Variants in RAPGEF1 observed in about 807,000 individuals in gnomAD.
The protein encoded by RAPGEF1 is Rap guanine nucleotide exchange factor 1.
In RAPGEF1, 33 loss-of-function variants were observed where a neutral mutation model predicts 143.3. The ratio of observed to expected loss-of-function variants is 0.23; its 90% CI spans 0.17 to 0.31. The LOEUF (loss-of-function observed/expected upper bound fraction) is 0.31. Ranked by LOEUF, RAPGEF1 falls within the 10% of genes least tolerant of loss-of-function variation. The probability of loss-of-function intolerance (pLI) is 1.00; values close to 1 mark genes in which losing one functional copy is unlikely to be tolerated. For synonymous variants in RAPGEF1, 629 were observed against 676.5 expected (o/e 0.93, Z 1.09); for missense variants, 1,199 against 1,645.4 (o/e 0.73, Z 4.69).
rs1006505424 is a variant in RAPGEF1 at position 131,739,789 on chromosome 9, G to A, written c.42C>T (p.Ser14=). Residue 14 remains serine, a synonymous_variant, in exon 1 of 27, where the codon TCC becomes TCT. Coordinates refer to ENST00000683357, the MANE Select transcript of RAPGEF1 (RefSeq NM_001377935.1). ...GLGLRRSPEM[S]GKIEKADSQR... ...CCTCACCTGCTTTCTCGATCTTGCC[G>A]GACATTTCCGGGCTGCGCCGGAGGC... is the stretch of plus-strand genomic sequence containing the variant. 8 of 1,171,544 alleles carry A rather than the reference G, an allele frequency of 6.8e-6. No homozygotes were observed. Among genetic ancestry groups the A allele is most frequent in the African/African-American group, 5.0e-5 (3 of 60,494 alleles). The allele number at this position is 1,171,544 out of a possible 1,614,324, so 72.6% of individuals were successfully genotyped here.
At chr9:131,604,886 G>T (rs200973525) in intron 13 of RAPGEF1, 45 bp downstream of exon 13, 3 of 169,434 alleles carry the variant, frequency 1.8e-5, no homozygotes, top group Non-Finnish European at 2.8e-5. Flanking sequence ...ATGTGCAGGG[G>T]TGTGTGTGTG....
chr9:131,586,525 AACACAC>A (rs57523580), intron 22 of RAPGEF1, among the ~76,000 whole-genome samples: 1 of 5,902 alleles, frequency 1.7e-4, no homozygotes, highest in African/African-American at 1.4e-3. Context: ...GACTCCGTCA[AACACAC>A]ACACACACAC....
intron 3 of RAPGEF1, among the ~76,000 whole-genome samples, chr9:131,646,536 T>C (rs529244368): frequency 1.3e-5 from 2 of 152,300 alleles, no homozygotes; most frequent in East Asian, 3.9e-4. Flanking sequence ...CCACAGGAGA[T>C]GGCGGGGAAG....
chr9:131,663,459 T>C (rs1316030569), intron 1 of RAPGEF1, among the ~76,000 whole-genome samples: 2 of 151,904 alleles, frequency 1.3e-5, no homozygotes, highest in Non-Finnish European at 2.9e-5. Context: ...ATAGCTTTTT[T>C]TTTTTTTTTT....
intron 20 of RAPGEF1, 114 bp from the exon 21 acceptor site, chr9:131,588,140 C>T (rs1249227467): frequency 1.2e-5 from 11 of 911,754 alleles, no homozygotes; most frequent in South Asian, 1.0e-4. Context: ...CCAGCAGGAG[C>T]GTGGAGGCTA....
At chr9:131,593,026 AGCCACCGT>A (rs1435842765) in intron 17 of RAPGEF1, among the ~76,000 whole-genome samples, 3 of 152,248 alleles carry the variant, frequency 2.0e-5, no homozygotes. Flanking sequence ...TACAGGCGTG[AGCCACCGT>A]GCCTGGTCAG....
intron 12 of RAPGEF1, among the ~76,000 whole-genome samples, chr9:131,612,495 CTG>C (rs1056718648): frequency 6.6e-6 from 1 of 152,250 alleles, no homozygotes; most frequent in African/African-American, 2.4e-5. Flanking sequence ...GCTGTCAAGG[CTG>C]TGACCAGTCC....
At chr9:131,589,076 G>T in intron 19 of RAPGEF1, 90 bp from the exon 20 acceptor site, 1 of 1,259,040 alleles carries the variant, frequency 7.9e-7, no homozygotes, top group Non-Finnish European at 1.1e-6. Flanking sequence ...AGGGCACGGG[G>T]CTGTGACCGG....
At chr9:131,689,064 T>C (rs575480970) in intron 1 of RAPGEF1, among the ~76,000 whole-genome samples, 1 of 152,364 alleles carries the variant, frequency 6.6e-6, no homozygotes, top group Non-Finnish European at 1.5e-5. Flanking sequence ...GTCATCTTTT[T>C]GGAAGGACAG....
intron 1 of RAPGEF1, among the ~76,000 whole-genome samples, chr9:131,710,614 C>T (rs772786294): frequency 4.8e-4 from 73 of 152,178 alleles, no homozygotes; most frequent in Admixed American, 7.2e-4. Flanking sequence ...CTGAGCCGGG[C>T]GAGGTGGCTC....
At chr9:131,739,385 C>A (rs569015230) in intron 1 of RAPGEF1, among the ~76,000 whole-genome samples, 1 of 152,220 alleles carries the variant, frequency 6.6e-6, no homozygotes, top group Non-Finnish European at 1.5e-5. Flanking sequence ...CTGGGTTCAC[C>A]CTCCTAGCGC....
Position 131,584,247 on chromosome 9 carries a change from C to T in RAPGEF1, c.3414+64G>A, listed in dbSNP as rs920758346. The T allele has an allele frequency of 6.7e-5, 96 of 1,427,858 alleles. No homozygotes were observed. In the East Asian group the frequency reaches 7.9e-4, roughly 12 times the overall value. 88.4% of individuals were successfully genotyped at this position (1,427,858 alleles called of 1,614,324 possible). ...GGGAGCACTTTCTGCCACAGCTAGTCGCCTGAGGGCTGGGCGGCCCCCCTT... is the reference window on the plus strand; with the variant it reads ...GGGAGCACTTTCTGCCACAGCTAGTTGCCTGAGGGCTGGGCGGCCCCCCTT... On this transcript the variant is annotated intron_variant, in intron 24 of 26. Transcript: ENST00000683357. This position sits in a 1 kb window ranked among gnomAD's most constrained non-coding sequence, Gnocchi z 6.8.
intron 4 of RAPGEF1, among the ~76,000 whole-genome samples, chr9:131,640,522 C>T (rs923988126): frequency 6.6e-6 from 1 of 152,212 alleles, no homozygotes; most frequent in African/African-American, 2.4e-5. Context: ...AAGTTGAGGA[C>T]TATAAAAAAT....
intron 17 of RAPGEF1, among the ~76,000 whole-genome samples, chr9:131,595,147 C>T (rs969523978): frequency 3.9e-5 from 6 of 152,338 alleles, no homozygotes; most frequent in South Asian, 4.1e-4. Context: ...CGGCTCAGGC[C>T]GAGAAGCCCG....
chr9:131,632,835 T>C (rs895328944), intron 5 of RAPGEF1, among the ~76,000 whole-genome samples: 1 of 152,236 alleles, frequency 6.6e-6, no homozygotes, highest in East Asian at 1.9e-4. Context: ...TTGTTCTTTT[T>C]CTATTTTCTA....
At chr9:131,593,453 T>C (rs114038516) in intron 17 of RAPGEF1, among the ~76,000 whole-genome samples, 2,394 of 152,322 alleles carry the variant, frequency 0.016, 71 homozygotes, top group African/African-American at 0.054. Flanking sequence ...GCTCCGCAGC[T>C]GTGCTTCTCA....
Position 131,627,948 on chromosome 9 carries a change from C to A in RAPGEF1, c.1166G>T (p.Gly389Val). ...ACAGCTTGTGTTCCGGGAGCACTGCCCACTGTCCCTGTCCAGAGAGGACAG... is the reference window on the plus strand; with the variant it reads ...ACAGCTTGTGTTCCGGGAGCACTGCACACTGTCCCTGTCCAGAGAGGACAG... Reference protein sequence around the residue: ...EQLSSLDRDSGQCSRNTSCET... With the variant: ...EQLSSLDRDSVQCSRNTSCET... Residue 389 changes from glycine (G) to valine (V), a missense_variant, in exon 9 of 27, where the codon GGG becomes GTG. By Grantham distance (109) the Gly-to-Val change is moderately radical. This residue lies in a region of RAPGEF1 where 613 missense variants were observed against 710.9 expected (regional missense o/e 0.86). Transcript: ENST00000683357. The A allele has an allele frequency of 6.3e-7, 1 of 1,589,266 alleles. No homozygotes were observed. Among genetic ancestry groups the A allele is most frequent in the Non-Finnish European group, 8.6e-7 (1 of 1,167,754 alleles).
At chr9:131,703,295 C>T (rs1441977232) in intron 1 of RAPGEF1, among the ~76,000 whole-genome samples, 4 of 152,168 alleles carry the variant, frequency 2.6e-5, no homozygotes, top group Admixed American at 6.5e-5. Context: ...CCATCATGCC[C>T]GGTCATTTAT....
chr9:131,712,803 G>A (rs1389050760), intron 1 of RAPGEF1, among the ~76,000 whole-genome samples: 1 of 152,148 alleles, frequency 6.6e-6, no homozygotes, highest in Non-Finnish European at 1.5e-5. Flanking sequence ...GGACCCTGTG[G>A]TCCAACCCTT....
Sources: allele counts gnomAD v4.1 joint callset (sites outside exome capture counted in the v4.1 genomes callset), GRCh38; gene constraint gnomAD v4.1.1; regional missense constraint gnomAD v4.1.1; non-coding constraint Gnocchi (gnomAD v3.1); transcripts MANE v1.5; gene names NCBI Gene and HGNC (gene_info 2026-07-23, HGNC 2026-07-21).